Variants in MECR observed in about 807,000 individuals in gnomAD.
MECR encodes mitochondrial trans-2-enoyl-CoA reductase.
A neutral mutation model predicts 49.1 loss-of-function variants in MECR; 37 were observed. That is an observed-to-expected ratio of 0.75 (90% CI 0.58 to 0.99). MECR has a LOEUF of 0.99. Ranked by LOEUF, MECR falls within the 50% of genes least tolerant of loss-of-function variation. MECR has a pLI of 0.00. For missense variants in MECR, 470 were observed against 479.6 expected (o/e 0.98, Z 0.19); for synonymous variants, 198 against 191.1 (o/e 1.04, Z -0.30).
intron 1 of MECR, among the ~76,000 whole-genome samples, chr1:29,230,041 T>C (rs564936732): frequency 6.6e-6 from 1 of 152,322 alleles, no homozygotes; most frequent in Admixed American, 6.5e-5. Context: ...TATAGATACT[T>C]GGGTCTGTAT....
At chr1:29,217,198 G>A (rs1679667604) in intron 1 of MECR, among the ~76,000 whole-genome samples, 1 of 143,636 alleles carries the variant, frequency 7.0e-6, no homozygotes, top group Non-Finnish European at 1.5e-5. Context: ...ACTGCAAGTG[G>A]AAAACCCACA....
At chr1:29,180,958 G>C in the MECR span, among the ~76,000 whole-genome samples, 1 of 152,176 alleles carries the variant, frequency 6.6e-6, no homozygotes, top group Non-Finnish European at 1.5e-5. Flanking sequence ...GCAATTTTTC[G>C]GTAAGTTGGA....
At chr1:29,228,413 C>T (rs1428052056) in intron 1 of MECR, among the ~76,000 whole-genome samples, 4 of 148,928 alleles carry the variant, frequency 2.7e-5, no homozygotes, top group Admixed American at 6.7e-5. Context: ...AGTTCAATGG[C>T]GCGATCTCGG....
intron 3 of MECR, among the ~76,000 whole-genome samples, chr1:29,212,944 A>G (rs534861775): frequency 6.6e-6 from 1 of 152,234 alleles, no homozygotes; most frequent in South Asian, 2.1e-4. Context: ...TTACGTTCAC[A>G]CACGCTGCAC....
chr1:29,177,469 CAG>C, the MECR span, among the ~76,000 whole-genome samples: 10 of 152,032 alleles, frequency 6.6e-5, no homozygotes, highest in Non-Finnish European at 1.0e-4. Flanking sequence ...TTAGTAGAGA[CAG>C]GGGTTTCTCC....
intron 3 of MECR, among the ~76,000 whole-genome samples, chr1:29,213,283 A>G (rs1190643931): frequency 6.6e-6 from 1 of 152,238 alleles, no homozygotes; most frequent in Admixed American, 6.5e-5. Flanking sequence ...GCAGCTCTCA[A>G]TTTGCTCAAA....
chr1:29,182,591 T>G, the MECR span, among the ~76,000 whole-genome samples: 1 of 151,992 alleles, frequency 6.6e-6, no homozygotes, highest in Non-Finnish European at 1.5e-5. Context: ...TCGCCCAGGC[T>G]GGAGTGCAGT....
chr1:29,175,787 TAA>T, the MECR span, among the ~76,000 whole-genome samples: 5 of 147,304 alleles, frequency 3.4e-5, no homozygotes, highest in Non-Finnish European at 7.5e-5. Context: ...TAACTATACA[TAA>T]AGAGAGTTAT....
At chr1:29,168,262 C>T in the MECR span, among the ~76,000 whole-genome samples, 12 of 149,954 alleles carry the variant, frequency 8.0e-5, no homozygotes, top group African/African-American at 2.9e-4. Flanking sequence ...AACTCCTGAG[C>T]TCAGGCAATC....
At chr1:29,196,339 C>T (rs1410209896) in intron 7 of MECR, 81 bp from the exon 8 acceptor site, 3 of 1,244,192 alleles carry the variant, frequency 2.4e-6, no homozygotes, top group Non-Finnish European at 3.4e-6. Flanking sequence ...GCTTCTACTC[C>T]AACCCTGGTT....
chr1:29,212,902 T>C (rs1678378638), intron 3 of MECR, among the ~76,000 whole-genome samples: 2 of 152,170 alleles, frequency 1.3e-5, no homozygotes, highest in Admixed American at 1.3e-4. Flanking sequence ...CTACCTGCAG[T>C]TCCCCACCAG....
downstream of MECR, among the ~76,000 whole-genome samples, chr1:29,190,357 A>C (rs149172806): frequency 5.1e-3 from 773 of 152,150 alleles, 10 homozygotes; most frequent in African/African-American, 0.017. Flanking sequence ...TCTCAAAAAA[A>C]CAAAACAAAA....
chr1:29,200,767 C>T (rs1675124999), intron 6 of MECR, among the ~76,000 whole-genome samples, 178 bp from the exon 7 acceptor site: 3 of 152,046 alleles, frequency 2.0e-5, no homozygotes, highest in African/African-American at 7.2e-5. Flanking sequence ...TTTTTCTCTG[C>T]TTAGGAAGTG....
At chr1:29,202,364 T>C (rs148716484) in intron 5 of MECR, among the ~76,000 whole-genome samples, 25 of 152,296 alleles carry the variant, frequency 1.6e-4, no homozygotes, top group African/African-American at 6.0e-4. Flanking sequence ...CAAACTCCAC[T>C]TCCCCCCTCT....
intron 3 of MECR, among the ~76,000 whole-genome samples, chr1:29,211,088 G>GT (rs112758931): frequency 0.8 from 115,947 of 144,112 alleles, 46,976 homozygotes; most frequent in Non-Finnish European, 0.88. Context: ...TAAATAAAGG[G>GT]TTTTTTTTTT....
intron 3 of MECR, among the ~76,000 whole-genome samples, chr1:29,214,739 TG>T (rs1678936190): frequency 6.6e-6 from 1 of 152,204 alleles, no homozygotes; most frequent in Non-Finnish European, 1.5e-5. Flanking sequence ...TGGTGTGTAA[TG>T]GGAACCCAGG....
chr1:29,204,994 C>T (rs1424847939), intron 4 of MECR, among the ~76,000 whole-genome samples: 1 of 152,210 alleles, frequency 6.6e-6, no homozygotes, highest in Non-Finnish European at 1.5e-5. Context: ...TCAGTTTCTT[C>T]GCTGGTATGA....
At chr1:29,203,340 C>T in intron 4 of MECR, 107 bp from the exon 5 acceptor site, 1 of 767,528 alleles carries the variant, frequency 1.3e-6, no homozygotes, top group Non-Finnish European at 2.1e-6. Flanking sequence ...TCAGGCTCAA[C>T]AGGGACCCAG....
the MECR span, among the ~76,000 whole-genome samples, chr1:29,184,246 G>T: frequency 3.4e-5 from 5 of 146,978 alleles, no homozygotes; most frequent in Non-Finnish European, 7.5e-5. Flanking sequence ...CACTATCTTG[G>T]CTCACTGCAG....
Sources: gnomAD v4.1 joint callset for allele counts (sites outside exome capture counted in the v4.1 genomes callset) on GRCh38, gnomAD v4.1.1 for gene constraint, MANE v1.5 for transcripts, NCBI Gene and HGNC (gene_info 2026-07-23, HGNC 2026-07-21) for gene names.